FARP1: variants seen among roughly 807,000 people sequenced by gnomAD.
FARP1 encodes FERM, ARH/RhoGEF and pleckstrin domain protein 1, also known as FERM, ARHGEF and pleckstrin domain-containing protein 1.
Under a neutral mutation model 128.8 loss-of-function variants are expected in FARP1, and 52 were observed. The ratio of observed to expected loss-of-function variants is 0.40; its 90% CI spans 0.32 to 0.51. The LOEUF (loss-of-function observed/expected upper bound fraction) is 0.51. Ranked by LOEUF, FARP1 falls within the 20% of genes least tolerant of loss-of-function variation. FARP1 has a pLI of 0.45. For synonymous variants in FARP1, 580 were observed against 551.8 expected (o/e 1.05, Z -0.72); for missense variants, 1,333 against 1,367.9 (o/e 0.97, Z 0.40).
intron 2 of FARP1, among the ~76,000 whole-genome samples, chr13:98,227,197 C>T (rs936768446): frequency 6.6e-6 from 1 of 152,178 alleles, no homozygotes; most frequent in Non-Finnish European, 1.5e-5. Context: ...CCGCCTTGGC[C>T]TCCCAAAGTG....
At chr13:98,444,538 T>C (rs1164455523) in intron 24 of FARP1, among the ~76,000 whole-genome samples, 3 of 152,050 alleles carry the variant, frequency 2.0e-5, no homozygotes, top group Admixed American at 6.5e-5. Flanking sequence ...AGGAGACTCA[T>C]GGCGCGCAGG....
intron 3 of FARP1, among the ~76,000 whole-genome samples, chr13:98,363,927 A>G (rs568493159): frequency 6.6e-6 from 1 of 152,204 alleles, no homozygotes; most frequent in East Asian, 1.9e-4. Context: ...TTTGTAGTAC[A>G]GATGGGGTTT....
At chr13:98,220,862 GAAA>G (rs113914229) in intron 2 of FARP1, among the ~76,000 whole-genome samples, 1 of 146,986 alleles carries the variant, frequency 6.8e-6, no homozygotes, top group Middle Eastern at 3.2e-3. Context: ...TTTTATCCCT[GAAA>G]AAAAAAACCA....
chr13:98,390,494 C>T (rs1890264886), intron 10 of FARP1: 2 of 440,478 alleles, frequency 4.5e-6, no homozygotes, highest in Non-Finnish European at 8.0e-6. Context: ...AATACTGTTC[C>T]AGGCACTGAG....
intron 5 of FARP1, among the ~76,000 whole-genome samples, chr13:98,376,984 T>C (rs1184721783): frequency 6.6e-6 from 1 of 152,100 alleles, no homozygotes; most frequent in Non-Finnish European, 1.5e-5. Context: ...ACCAAAAATG[T>C]TGACATGCTT....
chr13:98,190,589 G>A (rs1205986635), intron 1 of FARP1, among the ~76,000 whole-genome samples: 1 of 152,090 alleles, frequency 6.6e-6, no homozygotes, highest in Non-Finnish European at 1.5e-5. Flanking sequence ...TAGAAACAGG[G>A]TCTCGCTCTG....
At chr13:98,263,907 A>G (rs1883989135) in intron 2 of FARP1, among the ~76,000 whole-genome samples, 1 of 152,190 alleles carries the variant, frequency 6.6e-6, no homozygotes, top group African/African-American at 2.4e-5. Context: ...TTGGAAATAC[A>G]ATGACTTGTT....
intron 1 of FARP1, chr13:98,177,231 T>TG (rs1390772115): frequency 6.5e-7 from 1 of 1,550,330 alleles, no homozygotes; most frequent in South Asian, 1.2e-5. Flanking sequence ...AAGGTGGCGC[T>TG]GCCATGTTTG....
rs149403839 is a variant in FARP1 at position 98,289,019 on chromosome 13, T to C, written c.172-54743T>C. On this transcript the variant is annotated intron_variant, in intron 2 of 26. Coordinates refer to ENST00000319562, the MANE Select transcript of FARP1 (RefSeq NM_005766.4). ...AGCAATTCGACTCAGTGGGATGATATTTTCTTTTATAACTCATTAATGTTT... is the reference window on the plus strand; with the variant it reads ...AGCAATTCGACTCAGTGGGATGATACTTTCTTTTATAACTCATTAATGTTT... 2.9e-3 allele frequency among the ~76,000 whole-genome samples: 440 copies of C among 151,922 alleles called. 3 individuals are homozygous for C. Among genetic ancestry groups the C allele is most frequent in the South Asian group, 0.017 (81 of 4,780 alleles).
At chr13:98,355,392 T>C (rs1888600201) in intron 3 of FARP1, among the ~76,000 whole-genome samples, 1 of 152,124 alleles carries the variant, frequency 6.6e-6, no homozygotes, top group African/African-American at 2.4e-5. Context: ...TATATGAATG[T>C]TTATATTCAT....
chr13:98,216,603 CA>C (rs977057450), intron 2 of FARP1, among the ~76,000 whole-genome samples: 1 of 151,978 alleles, frequency 6.6e-6, no homozygotes. Flanking sequence ...GAATTATAGG[CA>C]AAGCAGTCAT....
At chr13:98,268,683 G>T (rs541659640) in intron 2 of FARP1, among the ~76,000 whole-genome samples, 1 of 151,820 alleles carries the variant, frequency 6.6e-6, no homozygotes, top group Non-Finnish European at 1.5e-5. Context: ...GGCCAGGATG[G>T]TCTCGAACTT....
chr13:98,453,078 C>T lies in FARP1; in HGVS notation c.*4761C>T, dbSNP rs1020097832. 1.6e-5 allele frequency: 24 copies of T among 1,456,286 alleles called. No individual in the cohort carries two copies. Among genetic ancestry groups the T allele is most frequent in the South Asian group, 2.4e-5 (2 of 84,898 alleles). 90.2% of individuals were successfully genotyped at this position (1,456,286 alleles called of 1,614,324 possible). On this transcript the variant is annotated 3_prime_UTR_variant, in exon 27 of 27. Transcript: ENST00000319562. Reference sequence around the variant, plus strand: ...GGTGGCTCCCAGTGGCGCACCTCTTCGGTGGAGTCAGCGAAGGCTCTCGTT... The same window carrying T: ...GGTGGCTCCCAGTGGCGCACCTCTTTGGTGGAGTCAGCGAAGGCTCTCGTT...
rs1310925561 is a variant in FARP1 at position 98,176,749 on chromosome 13, G to A, written c.-24+33257G>A. ...CATCCCCGAGGAGGAGTTGCCCATG[G>A]ACGTGTCCTTGGGCTTCAGGTACCT... On this transcript the variant is annotated intron_variant, in intron 1 of 26. Transcript: ENST00000319562. The surrounding 1 kb of genome is among the most constrained non-coding windows in gnomAD (Gnocchi z 6.2). 1 of 1,614,088 alleles carries A rather than the reference G, an allele frequency of 6.2e-7. No individual in the cohort carries two copies. Among genetic ancestry groups the A allele is most frequent in the South Asian group, 1.1e-5 (1 of 91,078 alleles).
chr13:98,446,845 C>T (rs1427324390), intron 26 of FARP1, 28 bp downstream of exon 26: 1 of 1,611,642 alleles, frequency 6.2e-7, no homozygotes, highest in Non-Finnish European at 8.5e-7. Flanking sequence ...ACGCACAGGG[C>T]CCTGCAGAAG....
intron 2 of FARP1, among the ~76,000 whole-genome samples, chr13:98,268,845 T>G (rs1469875500): frequency 2.0e-5 from 3 of 151,936 alleles, no homozygotes; most frequent in African/African-American, 7.2e-5. Context: ...TAGCTGAGAC[T>G]ACAGGTATGT....
chr13:98,395,101 CG>C, intron 12 of FARP1, 125 bp from the exon 13 acceptor site: 1 of 1,138,288 alleles, frequency 8.8e-7, no homozygotes, highest in Non-Finnish European at 1.2e-6. Context: ...CAGAGAGCTC[CG>C]GGGCAGTTCT....
chr13:98,306,366 C>G (rs1407882442), intron 2 of FARP1, among the ~76,000 whole-genome samples: 2 of 152,168 alleles, frequency 1.3e-5, no homozygotes, highest in African/African-American at 4.8e-5. Context: ...CTGTTGCATG[C>G]CCCTGTGCTA....
chr13:98,260,246 T>A (rs990366985), intron 2 of FARP1, among the ~76,000 whole-genome samples: 60 of 152,246 alleles, frequency 3.9e-4, no homozygotes, highest in African/African-American at 1.4e-3. Context: ...GAAGGTATTA[T>A]GTGTTGAGTT....
Sources: allele counts gnomAD v4.1 joint callset (sites outside exome capture counted in the v4.1 genomes callset), GRCh38; gene constraint gnomAD v4.1.1; non-coding constraint Gnocchi (gnomAD v3.1); transcripts MANE v1.5; gene names NCBI Gene and HGNC (gene_info 2026-07-23, HGNC 2026-07-21).